ALOX5AP: variants seen among roughly 807,000 people sequenced by gnomAD.
ALOX5AP encodes arachidonate 5-lipoxygenase activating protein, also known as arachidonate 5-lipoxygenase-activating protein.
In ALOX5AP, 9 loss-of-function variants were observed where a neutral mutation model predicts 18.5. The ratio of observed to expected loss-of-function variants is 0.49; its 90% CI spans 0.29 to 0.85. The LOEUF is 0.85. Ranked by LOEUF, ALOX5AP falls within the 40% of genes least tolerant of loss-of-function variation. The pLI is 0.08. For missense variants in ALOX5AP, 172 were observed against 202.5 expected, an observed-to-expected ratio of 0.85 and a Z score of 0.91; for synonymous variants, 81 against 78.6, an observed-to-expected ratio of 1.03 and a Z score of -0.16.
upstream of ALOX5AP, among the ~76,000 whole-genome samples, chr13:30,734,418 A>G (rs149746728): frequency 6.6e-6 from 1 of 152,194 alleles, no homozygotes; most frequent in African/African-American, 2.4e-5. Flanking sequence ...ACAGTGGTCC[A>G]TGTTCCCTTT....
rs75437439 is a variant in ALOX5AP at position 30,714,069 on chromosome 13, C to T, written c.116+228C>T. On this transcript the variant is annotated intron_variant, in intron 1 of 5. Transcript: ENST00000617770. ...CATAAATCTGAATTATGGTGTCAGA[C>T]TCCTAGCATACACTAAAGGAACTCT... is the stretch of plus-strand genomic sequence containing the variant. Among the ~76,000 whole-genome samples, 595 of 152,294 alleles carry T rather than the reference C, an allele frequency of 3.9e-3. 4 individuals carry two copies. Among genetic ancestry groups the T allele is most frequent in the African/African-American group, 0.013 (557 of 41,562 alleles).
intron 1 of ALOX5AP, chr13:30,742,268 A>G (rs541847060): frequency 1.3e-5 from 2 of 152,376 alleles, no homozygotes; most frequent in East Asian, 1.9e-4. Context: ...GTGAGCCGAG[A>G]TCACGCCACT....
At chr13:30,756,813 C>CAA (rs60551684) in intron 4 of ALOX5AP, among the ~76,000 whole-genome samples, 2 of 59,264 alleles carry the variant, frequency 3.4e-5, no homozygotes, top group African/African-American at 1.6e-4. Context: ...AACTCCATCT[C>CAA]AAAAAAAAAA....
chr13:30,722,272 C>A (rs1253724691), intron 1 of ALOX5AP, among the ~76,000 whole-genome samples: 3 of 152,192 alleles, frequency 2.0e-5, no homozygotes, highest in Admixed American at 6.5e-5. Flanking sequence ...AAGGCAGAAA[C>A]CAGCTTTATG....
chr13:30,762,040 A>G (rs9315051), intron 4 of ALOX5AP, among the ~76,000 whole-genome samples: 16,815 of 152,216 alleles, frequency 0.11, 1,297 homozygotes, highest in African/African-American at 0.22. Flanking sequence ...TGAACAGGAA[A>G]ACAGGGAGAG....
At chr13:30,727,492 C>T (rs1951648344) in intron 1 of ALOX5AP, among the ~76,000 whole-genome samples, 1 of 152,232 alleles carries the variant, frequency 6.6e-6, no homozygotes, top group African/African-American at 2.4e-5. Flanking sequence ...TCCTATGTAC[C>T]TCTGGATTAG....
upstream of ALOX5AP, among the ~76,000 whole-genome samples, chr13:30,734,697 C>T (rs1217368414): frequency 1.3e-5 from 2 of 152,204 alleles, no homozygotes; most frequent in Admixed American, 1.3e-4. Flanking sequence ...AGTCAGTTCC[C>T]TTTGGGAATT....
upstream of ALOX5AP, among the ~76,000 whole-genome samples, chr13:30,732,400 G>A (rs1249202831): frequency 6.6e-6 from 1 of 152,206 alleles, no homozygotes; most frequent in Non-Finnish European, 1.5e-5. Flanking sequence ...ACAGAAGCGT[G>A]TAGGATAGAG....
intron 1 of ALOX5AP, among the ~76,000 whole-genome samples, chr13:30,737,066 C>T (rs1417032185): frequency 6.6e-6 from 1 of 152,248 alleles, no homozygotes; most frequent in Non-Finnish European, 1.5e-5. Flanking sequence ...TATGGGTGGG[C>T]AGGTGGCTAG....
chr13:30,713,787 T>G, exon 1 of ALOX5AP: 1 of 1,535,702 alleles, frequency 6.5e-7, no homozygotes, highest in Non-Finnish European at 8.7e-7. Flanking sequence ...ACTTCTGAAT[T>G]TGGGAAATCC....
At chr13:30,755,908 C>T (rs757323805) in intron 3 of ALOX5AP, 36 bp from the exon 4 acceptor site, 47 of 1,604,682 alleles carry the variant, frequency 2.9e-5, no homozygotes, top group African/African-American at 4.0e-5. Context: ...TTGGTGGCTA[C>T]GAAACTGACA....
At chr13:30,761,404 T>C (rs1951940150) in intron 4 of ALOX5AP, among the ~76,000 whole-genome samples, 1 of 152,242 alleles carries the variant, frequency 6.6e-6, no homozygotes, top group Non-Finnish European at 1.5e-5. Context: ...CTTGTTTCTG[T>C]AATGAGCATA....
chr13:30,737,821 C>T (rs1593434741), intron 1 of ALOX5AP, among the ~76,000 whole-genome samples: 1 of 152,184 alleles, frequency 6.6e-6, no homozygotes, highest in South Asian at 2.1e-4. Context: ...CACAGAAGAG[C>T]CCCTCGTATA....
At chr13:30,743,243 G>A (rs137913239) in intron 1 of ALOX5AP, among the ~76,000 whole-genome samples, 23 of 151,952 alleles carry the variant, frequency 1.5e-4, no homozygotes, top group African/African-American at 3.9e-4. Flanking sequence ...TGCCTCAAAC[G>A]GCCCCTTACC....
chr13:30,724,291 A>C (rs1951619559), intron 1 of ALOX5AP, among the ~76,000 whole-genome samples: 1 of 152,252 alleles, frequency 6.6e-6, no homozygotes, highest in African/African-American at 2.4e-5. Flanking sequence ...TTATTACTGG[A>C]TAATTCCATT....
At chr13:30,729,082 T>C (rs1951660242) in intron 1 of ALOX5AP, among the ~76,000 whole-genome samples, 1 of 152,352 alleles carries the variant, frequency 6.6e-6, no homozygotes, top group Admixed American at 6.5e-5. Flanking sequence ...TATATGTATA[T>C]CTTCTTTAGC....
chr13:30,726,533 A>G (rs1951640553), intron 1 of ALOX5AP, among the ~76,000 whole-genome samples: 1 of 152,170 alleles, frequency 6.6e-6, no homozygotes, highest in African/African-American at 2.4e-5. Context: ...CCTATTCATG[A>G]ACATGGGGAA....
chr13:30,753,239 C>T (rs1951866591), intron 3 of ALOX5AP, among the ~76,000 whole-genome samples: 1 of 152,222 alleles, frequency 6.6e-6, no homozygotes, highest in Non-Finnish European at 1.5e-5. Context: ...ACTTAAGGGA[C>T]ACCACGTGGC....
intron 2 of ALOX5AP, among the ~76,000 whole-genome samples, chr13:30,750,505 A>G (rs1387794702): frequency 6.6e-6 from 1 of 152,224 alleles, no homozygotes; most frequent in Admixed American, 6.5e-5. Context: ...GTTAACAGAC[A>G]TGGCTTTGGA....
Sources: allele counts gnomAD v4.1 joint callset (sites outside exome capture counted in the v4.1 genomes callset), GRCh38; gene constraint gnomAD v4.1.1; transcripts MANE v1.5; gene names NCBI Gene and HGNC (gene_info 2026-07-23, HGNC 2026-07-21).